NLGN4X: variants seen among roughly 807,000 people sequenced by gnomAD.
NLGN4X encodes neuroligin-4, X-linked.
Under a neutral mutation model 40.3 loss-of-function variants are expected in NLGN4X, and 3 were observed. The observed-to-expected ratio is 0.07, with a 90% CI of 0.03 to 0.19. NLGN4X has a LOEUF of 0.19. Among genes scored for constraint, NLGN4X ranks in the 10% least tolerant of loss-of-function variants. The pLI is 1.00. For missense variants in NLGN4X, 382 were observed against 708.3 expected, an observed-to-expected ratio of 0.54 and a Z score of 5.23; for synonymous variants, 270 against 306.8, an observed-to-expected ratio of 0.88 and a Z score of 1.25.
At chrX:5,896,708 T>C (rs1188478409) in intron 5 of NLGN4X, among the ~76,000 whole-genome samples, 1 of 112,209 alleles carries the variant, frequency 8.9e-6, no homozygotes, top group Non-Finnish European at 1.9e-5. Context: ...TCTCTAAAAA[T>C]ATCTGTGAAT....
chrX:6,030,608 T>C (rs1463582597), intron 2 of NLGN4X, among the ~76,000 whole-genome samples: 1 of 110,847 alleles, frequency 9.0e-6, no homozygotes, highest in African/African-American at 3.3e-5. Flanking sequence ...GAATGAATTA[T>C]GATCACAATT....
chrX:5,972,036 G>T lies in NLGN4X; in HGVS notation c.625+57244C>A, dbSNP rs1047768050. Among the ~76,000 whole-genome samples the T allele has an allele frequency of 3.6e-5, 4 of 111,471 alleles. No individual in the cohort carries two copies. In the South Asian group the frequency reaches 1.5e-3, roughly 42 times the overall value. On this transcript the variant is annotated intron_variant, in intron 3 of 5. Coordinates refer to ENST00000381095, the MANE Select transcript of NLGN4X (RefSeq NM_181332.3). Reference sequence around the variant, plus strand: ...TTAAGTAATGGTAATCTAGTGTAGTGCATTTTCTCAATAAAGAATATCTAA... The same window carrying T: ...TTAAGTAATGGTAATCTAGTGTAGTTCATTTTCTCAATAAAGAATATCTAA...
At chrX:5,950,045 T>C (rs1248455968) in intron 3 of NLGN4X, among the ~76,000 whole-genome samples, 2 of 111,943 alleles carry the variant, frequency 1.8e-5, no homozygotes, top group Admixed American at 1.9e-4. Context: ...TGTGTAGGAA[T>C]GACCTACTAT....
intron 3 of NLGN4X, among the ~76,000 whole-genome samples, chrX:6,015,164 T>C (rs934144112): frequency 8.9e-6 from 1 of 111,865 alleles, no homozygotes; most frequent in Non-Finnish European, 1.9e-5. Flanking sequence ...TTTCCCCTAC[T>C]GGATAGAAAT....
chrX:6,040,294 T>C (rs945855185), intron 2 of NLGN4X, among the ~76,000 whole-genome samples: 4 of 111,515 alleles, frequency 3.6e-5, no homozygotes, highest in Non-Finnish European at 5.6e-5. Context: ...TATCATTTTA[T>C]AGCTGAGGAA....
Position 6,057,507 on chromosome X carries a change from T to G in NLGN4X, c.473-28075A>C, listed in dbSNP as rs186638820. Among the ~76,000 whole-genome samples the G allele has an allele frequency of 2.0e-3, 228 of 112,181 alleles. 1 individual carries two copies. The highest frequency in any genetic ancestry group is 3.5e-3 in the Non-Finnish European group (187 of 53,227). ...TAAGAATTAGATAAATTAGATGAAT[T>G]AAGAATAAGATGAGTAAAAATTAGT... On this transcript the variant is annotated intron_variant, in intron 2 of 5. Coordinates refer to ENST00000381095, the MANE Select transcript of NLGN4X (RefSeq NM_181332.3).
At chrX:5,904,003 C>G (rs999576804) in intron 4 of NLGN4X, 137 bp from the exon 5 acceptor site, 51 of 743,581 alleles carry the variant, frequency 6.9e-5, no homozygotes, top group Non-Finnish European at 8.9e-5. Context: ...CTGTCAGGGG[C>G]CCTTTTACCC....
intron 3 of NLGN4X, among the ~76,000 whole-genome samples, chrX:5,924,140 T>G (rs2033180674): frequency 9.0e-6 from 1 of 111,550 alleles, no homozygotes; most frequent in Non-Finnish European, 1.9e-5. Flanking sequence ...GTACATTTAC[T>G]AAAATCTTCC....
intron 3 of NLGN4X, among the ~76,000 whole-genome samples, chrX:6,006,840 C>G (rs12838497): frequency 0.18 from 19,855 of 111,331 alleles, 1,331 homozygotes; most frequent in African/African-American, 0.19. Context: ...CAGTTATACA[C>G]TGTTGGTGGG....
At chrX:6,126,137 T>C (rs1162574433) in intron 2 of NLGN4X, among the ~76,000 whole-genome samples, 1 of 95,365 alleles carries the variant, frequency 1.0e-5, no homozygotes. Context: ...ATAATCAACA[T>C]TTATGAACAA....
At chrX:5,951,312 T>C (rs2034303993) in intron 3 of NLGN4X, among the ~76,000 whole-genome samples, 1 of 111,892 alleles carries the variant, frequency 8.9e-6, no homozygotes, top group African/African-American at 3.2e-5. Context: ...GAGCCATTTT[T>C]CTGACATTTG....
At chrX:5,897,052 C>T (rs2031532837) in intron 5 of NLGN4X, among the ~76,000 whole-genome samples, 1 of 111,477 alleles carries the variant, frequency 9.0e-6, no homozygotes. Flanking sequence ...GCAAACAGGA[C>T]AGAAATCAAT....
intron 3 of NLGN4X, among the ~76,000 whole-genome samples, chrX:5,924,975 A>C (rs1480268300): frequency 1.8e-5 from 2 of 110,710 alleles, no homozygotes; most frequent in Admixed American, 9.7e-5. Context: ...CATGTAAGCA[A>C]ATACCACTTG....
rs545301645 is a variant in NLGN4X at position 6,197,125 on chromosome X, T to C, written c.-306+31416A>G. On this transcript the variant is annotated intron_variant, in intron 1 of 5. Coordinates refer to ENST00000381095, the MANE Select transcript of NLGN4X (RefSeq NM_181332.3). ...CCATTGTCATGTAGCTGATACAATA[T>C]TTCAAAGGTTAAAGAATAAATTATC... Among the ~76,000 whole-genome samples, 17 of 112,114 alleles carry C rather than the reference T, an allele frequency of 1.5e-4. No homozygotes were observed. The South Asian group carries it at 6.0e-3, about 40-fold the overall frequency.
rs145849180 is a variant in NLGN4X, at chrX:5,909,226, G to A, written c.639C>T (p.Thr213=). Residue 213 remains threonine, a synonymous_variant, in exon 4 of 6, where the codon ACC becomes ACT. Coordinates refer to ENST00000381095, the MANE Select transcript of NLGN4X (RefSeq NM_181332.3). The part of the protein sequence containing the change: ...YRLGILGFLS[T]GDQAAKGNYG... ...AGTTGCCTTTTGCTGCCTGGTCACC[G>A]GTACTTAAAAACCCTACAAAAGAAC... 3.0e-5 allele frequency: 36 copies of A among 1,209,438 alleles called. No homozygotes were observed. Among genetic ancestry groups the A allele is most frequent in the African/African-American group, 1.9e-4 (11 of 56,983 alleles).
chrX:6,224,902 G>A, intron 1 of NLGN4X, among the ~76,000 whole-genome samples: 1 of 99,583 alleles, frequency 1.0e-5, no homozygotes, highest in Admixed American at 1.1e-4. Flanking sequence ...TAAAACTGAT[G>A]AAGTAATTTT....
intron 2 of NLGN4X, among the ~76,000 whole-genome samples, chrX:6,096,945 T>TTGTG (rs2038791263): frequency 1.2e-5 from 1 of 85,950 alleles, no homozygotes; most frequent in Non-Finnish European, 2.3e-5. Context: ...AATTTTCATA[T>TTGTG]CGTGTGTGTG....
At chrX:6,104,946 C>T (rs1342768776) in intron 2 of NLGN4X, among the ~76,000 whole-genome samples, 3 of 111,793 alleles carry the variant, frequency 2.7e-5, no homozygotes, top group African/African-American at 9.8e-5. Context: ...TGTTAGAAAA[C>T]TATGCTGCGT....
chrX:6,011,802 T>C (rs1182436918), intron 3 of NLGN4X, among the ~76,000 whole-genome samples: 1 of 111,454 alleles, frequency 9.0e-6, no homozygotes, highest in Non-Finnish European at 1.9e-5. Flanking sequence ...ACACGATCTC[T>C]TCATGGTACC....
Sources: gnomAD v4.1 joint callset for allele counts (sites outside exome capture counted in the v4.1 genomes callset) on GRCh38, gnomAD v4.1.1 for gene constraint, MANE v1.5 for transcripts, NCBI Gene and HGNC (gene_info 2026-07-23, HGNC 2026-07-21) for gene names.